Variants in RIMS2 observed in about 807,000 individuals in gnomAD.
RIMS2 encodes the protein regulating synaptic membrane exocytosis 2, also known as regulating synaptic membrane exocytosis protein 2.
RIMS2 carries 59 observed loss-of-function variants against 174.4 expected under a neutral mutation model. The observed-to-expected ratio is 0.34, with a 90% CI of 0.27 to 0.42. RIMS2 has a LOEUF of 0.42. RIMS2 is among the 10% of genes least tolerant of loss of function. The probability of loss-of-function intolerance (pLI) is 1.00; values close to 1 mark genes in which losing one functional copy is unlikely to be tolerated. For missense variants in RIMS2, 1,620 were observed against 1,666.3 expected, an observed-to-expected ratio of 0.97 and a Z score of 0.48; for synonymous variants, 606 against 572.5, an observed-to-expected ratio of 1.06 and a Z score of -0.84.
intron 19 of RIMS2, 61 bp from the exon 22 acceptor site, chr8:104,041,265 G>T: frequency 1.7e-6 from 1 of 597,358 alleles, no homozygotes; most frequent in Non-Finnish European, 3.1e-6. Context: ...TACCTTTTGA[G>T]TACATCCACT....
intron 1 of RIMS2, among the ~76,000 whole-genome samples, chr8:103,533,912 C>A (rs1240788212): frequency 6.6e-6 from 1 of 152,154 alleles, no homozygotes; most frequent in East Asian, 1.9e-4. Flanking sequence ...ACCATCATGA[C>A]TTCTGTGCAT....
intron 19 of RIMS2, among the ~76,000 whole-genome samples, chr8:104,166,664 C>T (rs1340768466): frequency 6.6e-6 from 1 of 151,566 alleles, no homozygotes; most frequent in Non-Finnish European, 1.5e-5. Context: ...TATTCAAGAC[C>T]TCAAGCATAG....
chr8:103,684,258 T>C (rs2096912831), intron 1 of RIMS2, among the ~76,000 whole-genome samples: 1 of 152,148 alleles, frequency 6.6e-6, no homozygotes, highest in South Asian at 2.1e-4. Context: ...ATTTTGCTTT[T>C]CCCAGAATGT....
intron 1 of RIMS2, among the ~76,000 whole-genome samples, chr8:103,670,980 C>CATACTTG (rs1474487976): frequency 6.6e-6 from 1 of 152,118 alleles, no homozygotes; most frequent in Non-Finnish European, 1.5e-5. Context: ...TTGATAATGA[C>CATACTTG]ATACTTGAGA....
intron 19 of RIMS2, among the ~76,000 whole-genome samples, chr8:104,166,633 A>G (rs539478335): frequency 7.9e-5 from 12 of 152,186 alleles, no homozygotes; most frequent in Admixed American, 7.2e-4. Context: ...TCCTTAGAGC[A>G]TACTCAAGGA....
At chr8:103,946,172 C>G (rs2083712518) in intron 14 of RIMS2, among the ~76,000 whole-genome samples, 1 of 152,154 alleles carries the variant, frequency 6.6e-6, no homozygotes, top group African/African-American at 2.4e-5. Flanking sequence ...AGAATCTATT[C>G]ATTAACATTT....
chr8:104,001,759 C>T (rs1232442586), intron 17 of RIMS2, among the ~76,000 whole-genome samples: 5 of 151,960 alleles, frequency 3.3e-5, no homozygotes, highest in African/African-American at 1.2e-4. Flanking sequence ...TGAATGCTGA[C>T]CTAGTAATCT....
intron 1 of RIMS2, among the ~76,000 whole-genome samples, chr8:103,633,713 A>G (rs1385498228): frequency 6.6e-6 from 1 of 152,056 alleles, no homozygotes; most frequent in Non-Finnish European, 1.5e-5. Flanking sequence ...TTTGGAGCTC[A>G]TTATTGGTCC....
rs187724765 is a variant in RIMS2, at chr8:103,904,073, C to T, written c.1625-6061C>T. On this transcript the variant is annotated intron_variant, in intron 4 of 23. Transcript: ENST00000504942. ...TATATTACCACAAAGATTGTTCTTA[C>T]GCTTCCTCTTTCTAATGACATCTTA... 2.1e-3 allele frequency among the ~76,000 whole-genome samples: 318 copies of T among 152,150 alleles called. 2 individuals are homozygous for T. The highest frequency in any genetic ancestry group is 3.7e-3 in the Non-Finnish European group (253 of 67,958).
intron 1 of RIMS2, among the ~76,000 whole-genome samples, chr8:103,588,278 A>G (rs1383483550): frequency 6.6e-6 from 1 of 152,046 alleles, no homozygotes; most frequent in Non-Finnish European, 1.5e-5. Context: ...AAGATATTCC[A>G]TGTTCATGGA....
chr8:103,707,168 C>T (rs542590049), intron 2 of RIMS2, among the ~76,000 whole-genome samples: 1 of 152,202 alleles, frequency 6.6e-6, no homozygotes, highest in Non-Finnish European at 1.5e-5. Context: ...TATCTGAATT[C>T]CTTCTCTGTG....
intron 19 of RIMS2, among the ~76,000 whole-genome samples, chr8:104,088,578 A>G (rs985722080): frequency 2.5e-4 from 38 of 152,104 alleles, no homozygotes; most frequent in African/African-American, 8.7e-4. Flanking sequence ...GTATTTTGCA[A>G]TAATTAATTT....
chr8:104,124,088 T>A (rs923206496), intron 19 of RIMS2, among the ~76,000 whole-genome samples: 1 of 152,188 alleles, frequency 6.6e-6, no homozygotes, highest in African/African-American at 2.4e-5. Flanking sequence ...AAATTTTTTT[T>A]AATTTAAAGA....
At chr8:103,984,306 CA>C (rs1322395439) in intron 16 of RIMS2, among the ~76,000 whole-genome samples, 1 of 152,074 alleles carries the variant, frequency 6.6e-6, no homozygotes, top group Non-Finnish European at 1.5e-5. Flanking sequence ...CTATCCATCT[CA>C]GAAGGGATTA....
chr8:104,051,138 C>T (rs548058676), intron 19 of RIMS2, among the ~76,000 whole-genome samples: 1 of 152,074 alleles, frequency 6.6e-6, no homozygotes, highest in Non-Finnish European at 1.5e-5. Context: ...ACTTAGGAGG[C>T]TGAAGTGGGA....
At chr8:103,853,594 T>G (rs779880155) in intron 3 of RIMS2, among the ~76,000 whole-genome samples, 19 of 152,148 alleles carry the variant, frequency 1.2e-4, no homozygotes, top group Non-Finnish European at 1.6e-4. Flanking sequence ...TTTATTACTC[T>G]GCATATGACT....
At chr8:103,560,112 C>G (rs2091341665) in intron 1 of RIMS2, among the ~76,000 whole-genome samples, 2 of 152,094 alleles carry the variant, frequency 1.3e-5, no homozygotes, top group South Asian at 4.1e-4. Context: ...ACGGTGTAAA[C>G]AAAATAGTTC....
intron 1 of RIMS2, among the ~76,000 whole-genome samples, chr8:103,650,443 T>G (rs368694905): frequency 6.6e-6 from 1 of 152,106 alleles, no homozygotes; most frequent in African/African-American, 2.4e-5. Flanking sequence ...AGGTGGCCCT[T>G]TGGTAGAGCA....
intron 3 of RIMS2, among the ~76,000 whole-genome samples, chr8:103,791,078 A>G (rs1419778823): frequency 6.6e-6 from 1 of 152,196 alleles, no homozygotes; most frequent in African/African-American, 2.4e-5. Context: ...GAATGCCACA[A>G]AAGATACTCC....
Sources: gnomAD v4.1 joint callset for allele counts (sites outside exome capture counted in the v4.1 genomes callset) on GRCh38, gnomAD v4.1.1 for gene constraint, MANE v1.5 for transcripts, NCBI Gene and HGNC (gene_info 2026-07-23, HGNC 2026-07-21) for gene names.